The following FRMPD4 variants were observed in gnomAD, a reference collection of about 807,000 sequenced individuals.
FRMPD4 encodes FERM and PDZ domain-containing protein 4.
Under a neutral mutation model 94.1 loss-of-function variants are expected in FRMPD4, and 22 were observed. That is an observed-to-expected ratio of 0.23 (90% CI 0.17 to 0.33). The LOEUF (loss-of-function observed/expected upper bound fraction) is 0.33. Among genes scored for constraint, FRMPD4 ranks in the 10% least tolerant of loss-of-function variants. The pLI, the probability that FRMPD4 is intolerant of heterozygous loss-of-function variation, is 1.00. For synonymous variants in FRMPD4, 631 were observed against 548.6 expected (o/e 1.15, Z -2.10); for missense variants, 1,111 against 1,339.9 (o/e 0.83, Z 2.67).
intron 3 of FRMPD4, among the ~76,000 whole-genome samples, chrX:12,015,066 C>T (rs1010031374): frequency 2.7e-5 from 3 of 111,419 alleles, no homozygotes; most frequent in Non-Finnish European, 5.7e-5. Context: ...ACTGGCAACA[C>T]TATGCTTGGA....
intron 1 of FRMPD4, among the ~76,000 whole-genome samples, chrX:12,264,506 T>A (rs1198849875): frequency 8.9e-6 from 1 of 112,192 alleles, no homozygotes; most frequent in Non-Finnish European, 1.9e-5. Context: ...CATTTTATTA[T>A]AATTTTGCCC....
rs1182286723 is a variant in FRMPD4 at position 11,914,845 on chromosome X, A to G, written c.95+36827A>G. 1.7e-4 allele frequency among the ~76,000 whole-genome samples: 19 copies of G among 112,298 alleles called. No individual in the cohort carries two copies. The Admixed American group carries it at 1.8e-3, about 11-fold the overall frequency. On this transcript the variant is annotated intron_variant, in intron 3 of 18. Transcript: ENST00000640291. ...AGAAAAATAAACTTTTTTCATGTAT[A>G]TGTTAAATAACATGGTGTAGACACA...
At chrX:12,543,973 A>T (rs1186314378) in intron 2 of FRMPD4, among the ~76,000 whole-genome samples, 1 of 109,800 alleles carries the variant, frequency 9.1e-6, no homozygotes, top group African/African-American at 3.3e-5. Context: ...ATTCTCAGCA[A>T]ACTATTGCAG....
chrX:12,227,259 C>A (rs1601715638), intron 1 of FRMPD4, among the ~76,000 whole-genome samples: 1 of 110,536 alleles, frequency 9.0e-6, no homozygotes. Flanking sequence ...GGTAGTGTAT[C>A]GCCAGAACTT....
At chrX:11,920,206 A>AT (rs981632495) in intron 3 of FRMPD4, among the ~76,000 whole-genome samples, 5 of 111,629 alleles carry the variant, frequency 4.5e-5, no homozygotes, top group Admixed American at 2.8e-4. Context: ...AAAGCCCAAC[A>AT]TTTTTTCATT....
intron 1 of FRMPD4, among the ~76,000 whole-genome samples, chrX:12,175,598 C>G (rs1250592987): frequency 8.9e-6 from 1 of 112,249 alleles, no homozygotes; most frequent in Non-Finnish European, 1.9e-5. Context: ...CTGCTCATTG[C>G]AACCTCCACA....
chrX:12,128,188 A>C (rs1400897988), intron 3 of FRMPD4, among the ~76,000 whole-genome samples: 2 of 113,168 alleles, frequency 1.8e-5, no homozygotes, highest in African/African-American at 3.2e-5. Context: ...GTGGTTCTCC[A>C]TGAGGGCTCC....
chrX:12,680,568 G>A (rs1202010669), intron 5 of FRMPD4, among the ~76,000 whole-genome samples: 1 of 111,993 alleles, frequency 8.9e-6, no homozygotes, highest in Non-Finnish European at 1.9e-5. Context: ...CAAAACATTT[G>A]TCAGTTTTAT....
chrX:12,348,167 C>T (rs976089438), intron 1 of FRMPD4, among the ~76,000 whole-genome samples: 4 of 111,792 alleles, frequency 3.6e-5, no homozygotes, highest in African/African-American at 9.8e-5. Context: ...TTACACTGAG[C>T]GGTCAGCAAC....
At chrX:12,261,819 T>C (rs752108370) in intron 1 of FRMPD4, among the ~76,000 whole-genome samples, 3 of 112,383 alleles carry the variant, frequency 2.7e-5, no homozygotes, top group Middle Eastern at 4.6e-3. Context: ...GTCAAAGTTT[T>C]CATTTTGCAT....
At chrX:12,350,479 T>C (rs1030373215) in intron 1 of FRMPD4, among the ~76,000 whole-genome samples, 2 of 112,304 alleles carry the variant, frequency 1.8e-5, no homozygotes, top group African/African-American at 6.5e-5. Context: ...TAACATCTGC[T>C]TCAGTCATTG....
At chrX:12,018,436 G>A (rs1487064653) in intron 3 of FRMPD4, among the ~76,000 whole-genome samples, 1 of 108,851 alleles carries the variant, frequency 9.2e-6, no homozygotes, top group Non-Finnish European at 1.9e-5. Context: ...TTGTTTTTGA[G>A]ACAGACTTTT....
chrX:12,117,880 T>C (rs2147531965), intron 3 of FRMPD4, among the ~76,000 whole-genome samples: 1 of 112,152 alleles, frequency 8.9e-6, no homozygotes, highest in Non-Finnish European at 1.9e-5. Flanking sequence ...TATCAATTGT[T>C]CTTCCCAATA....
chrX:12,063,360 C>T, intron 3 of FRMPD4, among the ~76,000 whole-genome samples: 1 of 111,433 alleles, frequency 9.0e-6, no homozygotes, highest in Non-Finnish European at 1.9e-5. Context: ...CAGAGTGAGA[C>T]CACATTTCAA....
chrX:11,927,191 G>A (rs2054094336), intron 3 of FRMPD4, among the ~76,000 whole-genome samples: 1 of 110,645 alleles, frequency 9.0e-6, no homozygotes, highest in South Asian at 3.8e-4. Context: ...ACAGCTAATG[G>A]GGAGGTAAAA....
chrX:11,907,438 G>A (rs1314823502), intron 3 of FRMPD4, among the ~76,000 whole-genome samples: 1 of 112,191 alleles, frequency 8.9e-6, no homozygotes, highest in Non-Finnish European at 1.9e-5. Context: ...TAGACTGAGT[G>A]GCATATAAAC....
At chrX:12,359,022 G>A (rs1272795630) in intron 1 of FRMPD4, among the ~76,000 whole-genome samples, 10 of 111,756 alleles carry the variant, frequency 8.9e-5, no homozygotes, top group Non-Finnish European at 5.6e-5. Context: ...TTTAAACAAG[G>A]GTACAGAATG....
At chrX:12,262,250 AT>A (rs1012958829) in intron 1 of FRMPD4, among the ~76,000 whole-genome samples, 4 of 111,497 alleles carry the variant, frequency 3.6e-5, no homozygotes, top group Non-Finnish European at 3.8e-5. Context: ...CATAAAACAT[AT>A]TTTTTTTATT....
chrX:11,942,120 A>G lies in FRMPD4; in HGVS notation c.95+64102A>G, dbSNP rs776976218. Among the ~76,000 whole-genome samples the G allele has an allele frequency of 2.7e-4, 30 of 111,766 alleles. No individual in the cohort carries two copies. In the Middle Eastern group the frequency reaches 0.028, roughly 103 times the overall value. On this transcript the variant is annotated intron_variant, in intron 3 of 18. Coordinates refer to the FRMPD4 transcript ENST00000640291. ...TAAACTTACGTATTTAAAAAGAGTC[A>G]TATTTTAGCATAATTGTGTGCTAGA...
Sources: gnomAD v4.1 joint callset for allele counts (sites outside exome capture counted in the v4.1 genomes callset) on GRCh38, gnomAD v4.1.1 for gene constraint, MANE v1.5 for transcripts, NCBI Gene and HGNC (gene_info 2026-07-23, HGNC 2026-07-21) for gene names.